The following CEP70 variants were observed in gnomAD, a reference collection of about 807,000 sequenced individuals.
CEP70 encodes centrosomal protein of 70 kDa.
In CEP70, 70 loss-of-function variants were observed where a neutral mutation model predicts 90.9. The observed-to-expected ratio is 0.77, with a 90% CI of 0.64 to 0.94. The LOEUF is 0.94. CEP70 is among the 40% of genes least tolerant of loss of function. The pLI is 0.00. For synonymous variants in CEP70, 220 were observed against 228.3 expected (o/e 0.96, Z 0.33); for missense variants, 648 against 669.0 (o/e 0.97, Z 0.35).
At chr3:138,513,644 G>A (rs986039463) in intron 11 of CEP70, among the ~76,000 whole-genome samples, 1 of 152,164 alleles carries the variant, frequency 6.6e-6, no homozygotes, top group Non-Finnish European at 1.5e-5. Context: ...ATAGCAGTAA[G>A]TTAACAGTTT....
chr3:138,540,469 G>A (rs1450220871), intron 6 of CEP70, among the ~76,000 whole-genome samples: 1 of 136,478 alleles, frequency 7.3e-6, no homozygotes, highest in African/African-American at 2.8e-5. Flanking sequence ...GGGCAACAGA[G>A]CAAGACTATG....
In CEP70 at chr3:138,508,551, G is replaced by A; in HGVS notation, c.945-7C>T. 6.4e-7 allele frequency: 1 copy of A among 1,552,014 alleles called. No individual in the cohort carries two copies. The highest frequency in any genetic ancestry group is 8.9e-7 in the Non-Finnish European group (1 of 1,124,314). On this transcript the variant is annotated splice_region_variant and splice_polypyrimidine_tract_variant and intron_variant, in intron 11 of 17. Coordinates refer to ENST00000264982, the MANE Select transcript of CEP70 (RefSeq NM_024491.4). ...ATTAATAAGCTCCTGTAATCTAAAAGGGGGAAAAAAATCAAGATAATACAA... is the reference window on the plus strand; with the variant it reads ...ATTAATAAGCTCCTGTAATCTAAAAAGGGGAAAAAAATCAAGATAATACAA...
intron 6 of CEP70, among the ~76,000 whole-genome samples, chr3:138,554,854 G>A (rs903630466): frequency 6.6e-6 from 1 of 152,274 alleles, no homozygotes; most frequent in Admixed American, 6.5e-5. Context: ...TTCCCACTCT[G>A]TGGGTTGTTT....
chr3:138,571,246 C>A lies in CEP70; in HGVS notation c.160+20G>T, dbSNP rs1433033431. 4 of 1,583,008 alleles carry A rather than the reference C, an allele frequency of 2.5e-6. No homozygotes were observed. The highest frequency in any genetic ancestry group is 3.4e-6 in the Non-Finnish European group (4 of 1,164,300). On this transcript the variant is annotated intron_variant, in intron 4 of 17. Transcript: ENST00000264982. The stretch of plus-strand genomic sequence containing the variant: ...AAAATAAACTTTTTACCTTAAGCAT[C>A]AAGAATAGGATCTAATTACCTTTGA...
At chr3:138,526,510 C>G (rs527942136) in intron 10 of CEP70, among the ~76,000 whole-genome samples, 1 of 152,254 alleles carries the variant, frequency 6.6e-6, no homozygotes, top group African/African-American at 2.4e-5. Context: ...GTCCCTTGTT[C>G]ACCCCAGAGT....
At chr3:138,543,117 C>T (rs754143443) in intron 6 of CEP70, among the ~76,000 whole-genome samples, 6 of 152,288 alleles carry the variant, frequency 3.9e-5, no homozygotes, top group South Asian at 2.1e-4. Flanking sequence ...GGCAGCCTGG[C>T]CTCCAGGCTT....
intron 11 of CEP70, among the ~76,000 whole-genome samples, chr3:138,524,656 T>C (rs1435225600): frequency 6.6e-6 from 1 of 152,004 alleles, no homozygotes; most frequent in Non-Finnish European, 1.5e-5. Flanking sequence ...AAAAGACACG[T>C]GAAAAAATGC....
In CEP70 at chr3:138,587,471, T is replaced by A. The variant is rs537437637; in HGVS notation, c.-6+4383A>T. Among the ~76,000 whole-genome samples the A allele has an allele frequency of 2.0e-3, 300 of 152,062 alleles. 3 individuals carry two copies. The highest frequency in any genetic ancestry group is 7.0e-3 in the African/African-American group (289 of 41,494). On this transcript the variant is annotated intron_variant, in intron 2 of 17. Transcript: ENST00000264982. Reference sequence around the variant, plus strand: ...TTCATACAGAGCTGCAAAAGATCTATAAAAGACAAAACAACTTTGAAAAAG... The same window carrying A: ...TTCATACAGAGCTGCAAAAGATCTAAAAAAGACAAAACAACTTTGAAAAAG...
chr3:138,565,891 T>A (rs1473634958), intron 6 of CEP70, among the ~76,000 whole-genome samples: 1 of 152,018 alleles, frequency 6.6e-6, no homozygotes, highest in Admixed American at 6.6e-5. Context: ...ACAGGCAACC[T>A]ACAGAATGGG....
intron 11 of CEP70, among the ~76,000 whole-genome samples, chr3:138,515,734 C>T (rs7626226): frequency 0.49 from 75,116 of 151,918 alleles, 19,024 homozygotes; most frequent in African/African-American, 0.59. Context: ...TCTATCTCTA[C>T]GTATGTGTAA....
intron 6 of CEP70, among the ~76,000 whole-genome samples, chr3:138,555,061 G>A (rs980059717): frequency 1.3e-5 from 2 of 151,914 alleles, no homozygotes; most frequent in South Asian, 2.1e-4. Context: ...CCAGCCTGGC[G>A]AACATTGTGA....
intron 10 of CEP70, among the ~76,000 whole-genome samples, chr3:138,526,117 A>G (rs1336077226): frequency 6.6e-6 from 1 of 152,114 alleles, no homozygotes; most frequent in African/African-American, 2.4e-5. Flanking sequence ...GGCTTATGCT[A>G]GGTATCAGGT....
intron 6 of CEP70, among the ~76,000 whole-genome samples, chr3:138,549,696 C>T (rs1091528): frequency 0.14 from 21,969 of 152,114 alleles, 2,112 homozygotes; most frequent in South Asian, 0.21. Flanking sequence ...GCCTGATCCC[C>T]GTTATACTAC....
intron 6 of CEP70, among the ~76,000 whole-genome samples, chr3:138,540,633 T>C (rs764403560): frequency 4.6e-5 from 7 of 152,188 alleles, no homozygotes; most frequent in African/African-American, 9.7e-5. Flanking sequence ...GGAACACTTA[T>C]ACACTGTTGA....
Position 138,494,742 on chromosome 3 carries a change from C to G in CEP70, c.*273G>C, listed in dbSNP as rs546735945. ...TGGGCTCCTCTTTTACTCACAAACTCCACTCTAAAACAACCTTAAATTTTA... is the reference window on the plus strand; with the variant it reads ...TGGGCTCCTCTTTTACTCACAAACTGCACTCTAAAACAACCTTAAATTTTA... On this transcript the variant is annotated 3_prime_UTR_variant, in exon 18 of 18. Coordinates refer to ENST00000264982, the MANE Select transcript of CEP70 (RefSeq NM_024491.4). 2 of 240,226 alleles carry G rather than the reference C, an allele frequency of 8.3e-6. No homozygotes were observed. The highest frequency in any genetic ancestry group is 2.1e-4 in the East Asian group (2 of 9,630). The allele number at this position is 240,226 out of a possible 1,614,324, so 14.9% of individuals were successfully genotyped here. A position where few individuals can be genotyped will look rare whatever the true frequency, so the allele number is the denominator to read the frequency against.
chr3:138,575,495 G>T (rs1341692079), intron 2 of CEP70, among the ~76,000 whole-genome samples: 1 of 152,216 alleles, frequency 6.6e-6, no homozygotes, highest in Admixed American at 6.5e-5. Context: ...CAAAAGTGAT[G>T]GGGGGAATGG....
chr3:138,525,564 C>A lies in CEP70; in HGVS notation c.870G>T (p.Arg290Ser), dbSNP rs199680079. The stretch of plus-strand genomic sequence containing the variant: ...AAAGTCTTAATTCATGCTGCGTAGG[C>A]CTGTGGAAAATAAATAATGATAAAT... ...KLNLQKDLET[R>S]PTQHELRLYK... The change falls in exon 11 of 18, where the codon AGG (arginine) becomes AGT (serine). Residue 290 changes from arginine to serine, a missense_variant and splice_region_variant. Transcript: ENST00000264982. 2 of 1,334,522 alleles carry A rather than the reference C, an allele frequency of 1.5e-6. No individual in the cohort carries two copies. The highest frequency in any genetic ancestry group is 3.0e-5 in the African/African-American group (2 of 66,328). 82.7% of individuals were successfully genotyped at this position (1,334,522 alleles called of 1,614,324 possible). A position where few individuals can be genotyped will look rare whatever the true frequency, so the allele number is the denominator to read the frequency against.
At chr3:138,519,578 A>C (rs958876002) in intron 11 of CEP70, among the ~76,000 whole-genome samples, 12 of 152,184 alleles carry the variant, frequency 7.9e-5, no homozygotes, top group African/African-American at 2.4e-4. Flanking sequence ...CATCCAGCCA[A>C]ACTAAGCTTC....
At chr3:138,533,455 T>C (rs1335849152) in intron 7 of CEP70, among the ~76,000 whole-genome samples, 1 of 152,228 alleles carries the variant, frequency 6.6e-6, no homozygotes, top group Non-Finnish European at 1.5e-5. Flanking sequence ...TGAATATGTA[T>C]ATATACTGAA....
Sources: allele counts gnomAD v4.1 joint callset (sites outside exome capture counted in the v4.1 genomes callset), GRCh38; gene constraint gnomAD v4.1.1; transcripts MANE v1.5; gene names NCBI Gene and HGNC (gene_info 2026-07-23, HGNC 2026-07-21).